RBFOX3: variants seen among roughly 807,000 people sequenced by gnomAD.
RBFOX3 encodes RNA binding fox-1 homolog 3.
A neutral mutation model predicts 48.7 loss-of-function variants in RBFOX3; 17 were observed. The ratio of observed to expected loss-of-function variants is 0.35; its 90% CI spans 0.24 to 0.52. The LOEUF (loss-of-function observed/expected upper bound fraction) is 0.52. Among genes scored for constraint, RBFOX3 ranks in the 20% least tolerant of loss-of-function variants. RBFOX3 has a pLI of 0.94. For missense variants in RBFOX3, 382 were observed against 497.5 expected (o/e 0.77, Z 2.21); for synonymous variants, 212 against 209.5 (o/e 1.01, Z -0.10).
chr17:79,121,274 G>A (rs557532105), intron 4 of RBFOX3, among the ~76,000 whole-genome samples: 2 of 151,828 alleles, frequency 1.3e-5, no homozygotes, highest in East Asian at 1.9e-4. Context: ...CTGGCAATTC[G>A]CCCCTTGCAC....
At chr17:79,569,247 C>A (rs2092578624) in intron 1 of RBFOX3, among the ~76,000 whole-genome samples, 1 of 151,986 alleles carries the variant, frequency 6.6e-6, no homozygotes, top group African/African-American at 2.4e-5. Flanking sequence ...GCTCCCCACT[C>A]CCCCCAAGCC....
intron 4 of RBFOX3, among the ~76,000 whole-genome samples, chr17:79,128,772 C>G (rs1199428964): frequency 6.6e-6 from 1 of 152,206 alleles, no homozygotes; most frequent in African/African-American, 2.4e-5. Flanking sequence ...CCTCTCACTC[C>G]AGGGCAATCT....
intron 2 of RBFOX3, among the ~76,000 whole-genome samples, chr17:79,325,135 G>A (rs984689044): frequency 2.9e-4 from 44 of 152,220 alleles, no homozygotes; most frequent in Non-Finnish European, 1.9e-4. Flanking sequence ...GCCCATTCCT[G>A]CTATGTGCTG....
chr17:79,329,648 A>C (rs1213946931), intron 2 of RBFOX3, among the ~76,000 whole-genome samples: 1 of 152,000 alleles, frequency 6.6e-6, no homozygotes, highest in Non-Finnish European at 1.5e-5. Context: ...TCACCTGCAA[A>C]GTCTAGGGAA....
intron 1 of RBFOX3, among the ~76,000 whole-genome samples, chr17:79,555,643 ATGGTGGTGG>A (rs1284476177): frequency 6.0e-4 from 2 of 3,338 alleles, no homozygotes; most frequent in Non-Finnish European, 2.8e-3. Flanking sequence ...TATGTCAGTG[ATGGTGGTGG>A]TGGTGGTGGT....
At chr17:79,150,725 T>C (rs545393742) in intron 4 of RBFOX3, among the ~76,000 whole-genome samples, 3 of 152,202 alleles carry the variant, frequency 2.0e-5, no homozygotes, top group African/African-American at 4.8e-5. Flanking sequence ...CTGCCCCACA[T>C]TCTTAGCCAG....
chr17:79,341,756 T>C (rs1472843744), intron 2 of RBFOX3, among the ~76,000 whole-genome samples: 1 of 152,190 alleles, frequency 6.6e-6, no homozygotes, highest in Non-Finnish European at 1.5e-5. Context: ...GCTCCCTGCA[T>C]AACCATCTTA....
intron 4 of RBFOX3, among the ~76,000 whole-genome samples, chr17:79,180,559 T>C (rs2045662): frequency 0.73 from 110,450 of 152,182 alleles, 41,377 homozygotes; most frequent in African/African-American, 0.92. Flanking sequence ...TGGCCGGGTA[T>C]GGCCCTAGGC....
chr17:79,343,617 C>G (rs1285819952), intron 2 of RBFOX3, among the ~76,000 whole-genome samples: 1 of 152,218 alleles, frequency 6.6e-6, no homozygotes, highest in East Asian at 1.9e-4. Context: ...CCAAGGGCAT[C>G]AGCTTCCCTT....
intron 8 of RBFOX3, 50 bp from the exon 9 acceptor site, chr17:79,101,694 G>GAAGAC (rs2076464494): frequency 6.7e-7 from 1 of 1,497,630 alleles, no homozygotes; most frequent in Admixed American, 2.0e-5. Flanking sequence ...TAGCCTCCTG[G>GAAGAC]AAGACCCACT....
At chr17:79,291,419 G>A (rs777983537) in intron 3 of RBFOX3, among the ~76,000 whole-genome samples, 92 of 152,336 alleles carry the variant, frequency 6.0e-4, no homozygotes, top group Admixed American at 2.0e-3. Context: ...TGGTCTGCAT[G>A]GAGCTGACAT....
At chr17:79,660,716 C>T in the RBFOX3 span, among the ~76,000 whole-genome samples, 1 of 152,000 alleles carries the variant, frequency 6.6e-6, no homozygotes, top group Non-Finnish European at 1.5e-5. Context: ...AAGAAGATGA[C>T]GTGGTGATTC....
At chr17:79,301,575 C>CTT (rs1383455681) in intron 3 of RBFOX3, among the ~76,000 whole-genome samples, 5 of 152,218 alleles carry the variant, frequency 3.3e-5, no homozygotes, top group African/African-American at 7.2e-5. Context: ...AGGGGAGGAG[C>CTT]ACCTCGCTGG....
intron 3 of RBFOX3, among the ~76,000 whole-genome samples, chr17:79,283,641 C>G (rs2071138642): frequency 6.6e-6 from 1 of 152,196 alleles, no homozygotes; most frequent in African/African-American, 2.4e-5. Flanking sequence ...TCCTTAGAGA[C>G]CTGGTGGGAG....
At chr17:79,373,116 C>T (rs976565950) in intron 2 of RBFOX3, among the ~76,000 whole-genome samples, 1 of 152,160 alleles carries the variant, frequency 6.6e-6, no homozygotes, top group Non-Finnish European at 1.5e-5. Flanking sequence ...ACAGGGGTGA[C>T]GGCAGGGGAG....
intron 2 of RBFOX3, among the ~76,000 whole-genome samples, chr17:79,454,687 C>T (rs577789367): frequency 4.6e-5 from 7 of 152,314 alleles, no homozygotes; most frequent in African/African-American, 1.4e-4. Context: ...AGAGGTTAAG[C>T]GACCTGTCTG....
intron 2 of RBFOX3, among the ~76,000 whole-genome samples, chr17:79,349,914 G>A (rs1293892047): frequency 6.6e-6 from 1 of 152,112 alleles, no homozygotes; most frequent in Non-Finnish European, 1.5e-5. Context: ...GGTTCCCTGA[G>A]CCTAGGCCAC....
intron 1 of RBFOX3, among the ~76,000 whole-genome samples, chr17:79,533,262 C>A (rs1006751433): frequency 3.3e-5 from 5 of 152,238 alleles, no homozygotes; most frequent in African/African-American, 1.2e-4. Flanking sequence ...AAGCTGCGCT[C>A]TTTGTCCTCC....
At chr17:79,620,494 C>CAT in the RBFOX3 span, among the ~76,000 whole-genome samples, 1 of 136,730 alleles carries the variant, frequency 7.3e-6, no homozygotes, top group Admixed American at 6.9e-5. Flanking sequence ...CGTGCACACA[C>CAT]GCGCACACAC....
Sources: allele counts gnomAD v4.1 joint callset (sites outside exome capture counted in the v4.1 genomes callset), GRCh38; gene constraint gnomAD v4.1.1; transcripts MANE v1.5; gene names NCBI Gene and HGNC (gene_info 2026-07-23, HGNC 2026-07-21).